CENPS: variants seen among roughly 807,000 people sequenced by gnomAD.
The protein encoded by CENPS is centromere protein S, also known as FANCM associated histone fold protein 1.
CENPS carries 16 observed loss-of-function variants against 17.9 expected under a neutral mutation model. That is an observed-to-expected ratio of 0.90 (90% CI 0.61 to 1.36). The LOEUF (loss-of-function observed/expected upper bound fraction) is 1.36, where lower values mean the gene tolerates loss of function less well. CENPS is among the 40% of genes most tolerant of loss of function. The pLI, the probability that CENPS is intolerant of heterozygous loss-of-function variation, is 0.00. For missense variants in CENPS, 160 were observed against 158.6 expected, an observed-to-expected ratio of 1.01 and a Z score of -0.05; for synonymous variants, 49 against 55.8, an observed-to-expected ratio of 0.88 and a Z score of 0.54.
intron 1 of CENPS, among the ~76,000 whole-genome samples, chr1:10,433,605 A>G (rs536520395): frequency 6.6e-6 from 1 of 152,156 alleles, no homozygotes; most frequent in Non-Finnish European, 1.5e-5. Context: ...TTGCCATCTA[A>G]TTTCTTATCT....
chr1:10,435,716 T>TAC (rs60607643), intron 3 of CENPS, among the ~76,000 whole-genome samples: 299 of 142,666 alleles, frequency 2.1e-3, no homozygotes, highest in Middle Eastern at 7.0e-3. Context: ...TATATATATA[T>TAC]ACACACACAC....
intron 3 of CENPS, among the ~76,000 whole-genome samples, chr1:10,437,758 A>AT (rs59257602): frequency 0.02 from 2,488 of 122,944 alleles, 42 homozygotes; most frequent in South Asian, 0.044. Flanking sequence ...TGCCTGGCCA[A>AT]TTTTTTTTTT....
chr1:10,434,329 C>T (rs369351068), intron 2 of CENPS, among the ~76,000 whole-genome samples: 1 of 152,120 alleles, frequency 6.6e-6, no homozygotes, highest in Non-Finnish European at 1.5e-5. Context: ...TGCTTGACTT[C>T]AGAGGGGAAA....
chr1:10,440,200 G>A (rs756955542), intron 3 of CENPS, 147 bp from the exon 4 acceptor site: 3 of 1,065,264 alleles, frequency 2.8e-6, no homozygotes, highest in Non-Finnish European at 3.9e-6. Flanking sequence ...TAATTTTTGT[G>A]TCACTTTTGC....
At chr1:10,437,400 C>CTT (rs199866573) in intron 3 of CENPS, among the ~76,000 whole-genome samples, 1 of 142,572 alleles carries the variant, frequency 7.0e-6, no homozygotes, top group African/African-American at 2.6e-5. Context: ...TTTCTTATTT[C>CTT]TTTTTTTTTT....
chr1:10,442,329 A>C lies in CENPS; in HGVS notation c.341A>C (p.Lys114Thr). 1 of 1,608,108 alleles carries C rather than the reference A, an allele frequency of 6.2e-7. No individual in the cohort carries two copies. Among genetic ancestry groups the C allele is most frequent in the Non-Finnish European group, 8.5e-7 (1 of 1,178,572 alleles). Residue 114 changes from lysine to threonine, a missense_variant, in exon 5 of 5, where the codon AAG becomes ACG. Lys to Thr is a moderately conservative substitution (Grantham distance 78). Transcript: ENST00000309048. ...ATTAACCTAGAACGAAAAGCACAGA[A>C]GAAAAAGAAGTCAGAGGATGGAAGC... is the stretch of plus-strand genomic sequence containing the variant. ...AQINLERKAQ[K>T]KKKSEDGSKN... is the part of the protein sequence containing the mutation.
intron 3 of CENPS, among the ~76,000 whole-genome samples, chr1:10,437,301 A>T (rs572573853): frequency 1.2e-4 from 19 of 152,040 alleles, no homozygotes; most frequent in African/African-American, 3.9e-4. Flanking sequence ...TATTACAGGC[A>T]TGAGCTGAGC....
At chr1:10,431,736 C>T (rs1397004016) in intron 1 of CENPS, among the ~76,000 whole-genome samples, 1 of 151,726 alleles carries the variant, frequency 6.6e-6, no homozygotes, top group East Asian at 1.9e-4. Context: ...TGCCTGTAAT[C>T]CCAGCTACTC....
intron 3 of CENPS, among the ~76,000 whole-genome samples, 153 bp downstream of exon 3, chr1:10,434,843 G>A (rs1011661613): frequency 6.6e-6 from 1 of 152,134 alleles, no homozygotes; most frequent in Non-Finnish European, 1.5e-5. Flanking sequence ...AGAACATGAC[G>A]CCTCCTTCAA....
At position 10,433,981 on chromosome 1, in the gene CENPS, C is replaced by T; in HGVS notation, c.175+16C>T. Reference sequence around the variant, plus strand: ...CGACAGTGTGGTATGAAGCTTCGGCCTCCCCAGCCATGTCTGTAAACCCCA... The same window carrying T: ...CGACAGTGTGGTATGAAGCTTCGGCTTCCCCAGCCATGTCTGTAAACCCCA... On this transcript the variant is annotated intron_variant, in intron 2 of 4. Transcript: ENST00000309048. The T allele has an allele frequency of 6.2e-7, 1 of 1,613,982 alleles. No individual in the cohort carries two copies. Among genetic ancestry groups the T allele is most frequent in the Non-Finnish European group, 8.5e-7 (1 of 1,179,934 alleles).
intron 3 of CENPS, 129 bp from the exon 4 acceptor site, chr1:10,440,218 C>T: frequency 8.0e-7 from 1 of 1,245,226 alleles, no homozygotes; most frequent in African/African-American, 1.5e-5. Flanking sequence ...TGCTTAATGC[C>T]CTTTATCTAA....
chr1:10,432,722 A>C (rs1639977333), intron 1 of CENPS, among the ~76,000 whole-genome samples: 1 of 151,894 alleles, frequency 6.6e-6, no homozygotes, highest in African/African-American at 2.4e-5. Context: ...CCTGACCCCC[A>C]CCCATACCTA....
At chr1:10,433,800 T>A (rs766088557) in intron 1 of CENPS, 42 bp from the exon 2 acceptor site, 2 of 1,612,044 alleles carry the variant, frequency 1.2e-6, no homozygotes, top group Non-Finnish European at 8.5e-7. Context: ...AAAGCTCTTA[T>A]TTGCAGCCTT....
At chr1:10,433,236 G>A (rs1426036615) in intron 1 of CENPS, among the ~76,000 whole-genome samples, 1 of 152,182 alleles carries the variant, frequency 6.6e-6, no homozygotes, top group African/African-American at 2.4e-5. Context: ...GGGGTGGAGA[G>A]ATCTTTTTCA....
chr1:10,436,363 T>G (rs72640354), intron 3 of CENPS, among the ~76,000 whole-genome samples: 1 of 151,812 alleles, frequency 6.6e-6, no homozygotes, highest in Non-Finnish European at 1.5e-5. Context: ...TGTGTGTGAC[T>G]TAGACCATAA....
chr1:10,440,234 T>C, intron 3 of CENPS, 113 bp from the exon 4 acceptor site: 1 of 1,368,224 alleles, frequency 7.3e-7, no homozygotes, highest in Non-Finnish European at 9.8e-7. Flanking sequence ...TCTAAAAGGA[T>C]GGGCTACTTA....
chr1:10,434,629 A>G (rs1640066771), intron 2 of CENPS, 28 bp from the exon 3 acceptor site: 1 of 1,605,358 alleles, frequency 6.2e-7, no homozygotes, highest in Admixed American at 1.8e-5. Flanking sequence ...AGGGTGCCTA[A>G]AGTGTGTATC....
chr1:10,431,565 C>T (rs1639915721), intron 1 of CENPS, among the ~76,000 whole-genome samples: 1 of 152,144 alleles, frequency 6.6e-6, no homozygotes, highest in African/African-American at 2.4e-5. Context: ...CTCCCAAAAA[C>T]AAGGCATTGG....
chr1:10,433,685 A>T lies in CENPS; in HGVS notation c.52-157A>T, dbSNP rs150424444. ...CACAAGTCGCACTCCAGTGGGTCTC[A>T]TTAACTTATTAGTACACTTGAAAAG... On this transcript the variant is annotated intron_variant, in intron 1 of 4. Transcript: ENST00000309048. 7.6e-3 allele frequency among the ~76,000 whole-genome samples: 1,160 copies of T among 152,302 alleles called. 8 individuals are homozygous for T. Among genetic ancestry groups the T allele is most frequent in the Admixed American group, 0.017 (256 of 15,298 alleles).
Sources: gnomAD v4.1 joint callset for allele counts (sites outside exome capture counted in the v4.1 genomes callset) on GRCh38, gnomAD v4.1.1 for gene constraint, MANE v1.5 for transcripts, NCBI Gene and HGNC (gene_info 2026-07-23, HGNC 2026-07-21) for gene names.